STK3: variants seen among roughly 807,000 people sequenced by gnomAD.
STK3 encodes the protein serine/threonine-protein kinase 3.
In STK3, 41 loss-of-function variants were observed where a neutral mutation model predicts 58.0. The ratio of observed to expected loss-of-function variants is 0.71; its 90% CI spans 0.55 to 0.92. The LOEUF (loss-of-function observed/expected upper bound fraction) is 0.92, where lower values mean the gene tolerates loss of function less well. STK3 is among the 40% of genes least tolerant of loss of function. The pLI, the probability that STK3 is intolerant of heterozygous loss-of-function variation, is 0.00. For missense variants in STK3, 479 were observed against 602.7 expected, an observed-to-expected ratio of 0.79 and a Z score of 2.15; for synonymous variants, 170 against 191.0, an observed-to-expected ratio of 0.89 and a Z score of 0.91.
At chr8:98,656,250 C>G (rs184908344) in intron 6 of STK3, among the ~76,000 whole-genome samples, 3,434 of 152,012 alleles carry the variant, frequency 0.023, 75 homozygotes, top group East Asian at 0.083. Context: ...AAACCAAACA[C>G]TGCATGTTCT....
At chr8:98,351,225 AG>A in the STK3 span, among the ~76,000 whole-genome samples, 3 of 152,178 alleles carry the variant, frequency 2.0e-5, no homozygotes, top group Non-Finnish European at 4.4e-5. Flanking sequence ...CAAAATAACT[AG>A]AGAGAGATTC....
At chr8:98,592,500 T>C (rs948836261) in intron 7 of STK3, among the ~76,000 whole-genome samples, 1 of 152,192 alleles carries the variant, frequency 6.6e-6, no homozygotes, top group Non-Finnish European at 1.5e-5. Flanking sequence ...GTCTTTCATT[T>C]CTCAAAGAAT....
chr8:98,723,272 T>C (rs764952070), intron 4 of STK3, among the ~76,000 whole-genome samples: 3 of 152,236 alleles, frequency 2.0e-5, no homozygotes, highest in South Asian at 2.1e-4. Context: ...CGTTAAAAGA[T>C]GGAAGTCTAC....
At chr8:98,824,905 A>T (rs1400236227) in intron 1 of STK3, among the ~76,000 whole-genome samples, 1 of 152,264 alleles carries the variant, frequency 6.6e-6, no homozygotes, top group Non-Finnish European at 1.5e-5. Context: ...AATACATATT[A>T]TGAACTTCTG....
At chr8:98,941,401 C>A (rs970213469) in intron 1 of STK3, among the ~76,000 whole-genome samples, 1 of 152,140 alleles carries the variant, frequency 6.6e-6, no homozygotes, top group Admixed American at 6.5e-5. Context: ...GCCAACAGTG[C>A]GGGAAGTTCA....
At chr8:98,669,287 G>A (rs888526902) in intron 6 of STK3, among the ~76,000 whole-genome samples, 11 of 151,932 alleles carry the variant, frequency 7.2e-5, no homozygotes, top group Admixed American at 5.2e-4. Flanking sequence ...GAGCCACTGC[G>A]CCCGGCCCAT....
At chr8:98,638,227 T>C (rs1029338292) in intron 6 of STK3, among the ~76,000 whole-genome samples, 17 of 152,188 alleles carry the variant, frequency 1.1e-4, no homozygotes, top group African/African-American at 4.1e-4. Flanking sequence ...TTTTAAAAAG[T>C]ACTCAAAAGA....
At chr8:98,821,615 T>C (rs781544742) in intron 1 of STK3, among the ~76,000 whole-genome samples, 6 of 151,136 alleles carry the variant, frequency 4.0e-5, no homozygotes, top group Non-Finnish European at 7.4e-5. Flanking sequence ...TGAGCCATGA[T>C]TGTGCCACTG....
chr8:98,807,338 C>T (rs1232255965), intron 1 of STK3, among the ~76,000 whole-genome samples: 6 of 152,100 alleles, frequency 3.9e-5, no homozygotes, highest in Non-Finnish European at 5.9e-5. Flanking sequence ...CTCACTGCAA[C>T]ATCTGCCTCC....
chr8:98,843,010 T>G (rs1329522645), intron 3 of STK3, among the ~76,000 whole-genome samples: 2 of 151,496 alleles, frequency 1.3e-5, no homozygotes, highest in African/African-American at 4.9e-5. Context: ...GGAGTAAGAC[T>G]CCCTAAAAAT....
At chr8:98,444,100 C>T (rs1049135373) in intron 1 of STK3, among the ~76,000 whole-genome samples, 1 of 152,218 alleles carries the variant, frequency 6.6e-6, no homozygotes, top group Non-Finnish European at 1.5e-5. Context: ...GGGCACAGTC[C>T]TGGCCCTCAG....
chr8:98,791,424 C>G, intron 1 of STK3, among the ~76,000 whole-genome samples: 1 of 151,796 alleles, frequency 6.6e-6, no homozygotes, highest in African/African-American at 2.4e-5. Flanking sequence ...CAATGCAATT[C>G]CCATCAAAAT....
intron 6 of STK3, among the ~76,000 whole-genome samples, chr8:98,661,180 A>G (rs181954473): frequency 1.1e-3 from 166 of 151,530 alleles, no homozygotes; most frequent in Middle Eastern, 3.4e-3. Flanking sequence ...TAAATACTGA[A>G]CCTGTTTTAA....
intron 1 of STK3, among the ~76,000 whole-genome samples, chr8:98,775,586 A>C (rs1348538176): frequency 6.6e-6 from 1 of 152,176 alleles, no homozygotes; most frequent in Non-Finnish European, 1.5e-5. Flanking sequence ...GTGACAGAAA[A>C]AGAGGAAGCA....
chr8:98,570,249 C>T (rs2131679261), intron 8 of STK3, among the ~76,000 whole-genome samples: 1 of 151,670 alleles, frequency 6.6e-6, no homozygotes, highest in African/African-American at 2.4e-5. Flanking sequence ...CCACCTCAGG[C>T]TCCCAAATAG....
chr8:98,479,091 C>G (rs1367383488), intron 10 of STK3, among the ~76,000 whole-genome samples: 2 of 152,108 alleles, frequency 1.3e-5, no homozygotes, highest in African/African-American at 4.8e-5. Flanking sequence ...CACTGTTTTA[C>G]CCTTGGCAGC....
chr8:98,435,771 C>T (rs537311820), intron 2 of STK3, among the ~76,000 whole-genome samples: 8 of 152,014 alleles, frequency 5.3e-5, no homozygotes, highest in African/African-American at 7.2e-5. Flanking sequence ...ATACACAGAG[C>T]GGGTGTGCAG....
In STK3 at chr8:98,825,680, G is replaced by C; in HGVS notation, c.-140C>G. On this transcript the variant is annotated 5_prime_UTR_variant, in exon 1 of 11. Transcript: ENST00000419617. ...CGGACCAACTTTCCCGTAACTCCGC[G>C]GCGGATCTCCCTCCCGCTTAGGAGC... The C allele has an allele frequency of 9.0e-7, 1 of 1,117,026 alleles. No individual in the cohort carries two copies. The highest frequency in any genetic ancestry group is 1.1e-6 in the Non-Finnish European group (1 of 904,860). The allele number at this position is 1,117,026 out of a possible 1,614,324, so 69.2% of individuals were successfully genotyped here.
intron 10 of STK3, among the ~76,000 whole-genome samples, chr8:98,500,500 T>A (rs1194106986): frequency 6.6e-6 from 1 of 152,232 alleles, no homozygotes; most frequent in African/African-American, 2.4e-5. Flanking sequence ...CTCCTAATGC[T>A]ATCTCTACCC....
Sources: allele counts gnomAD v4.1 joint callset (sites outside exome capture counted in the v4.1 genomes callset), GRCh38; gene constraint gnomAD v4.1.1; transcripts MANE v1.5; gene names NCBI Gene and HGNC (gene_info 2026-07-23, HGNC 2026-07-21).